Variants in FHDC1 observed in about 807,000 individuals in gnomAD.
FHDC1 encodes FH2 domain-containing protein 1.
A neutral mutation model predicts 52.6 loss-of-function variants in FHDC1; 25 were observed. The observed-to-expected ratio is 0.48, with a 90% confidence interval of 0.35 to 0.66. The LOEUF is 0.66. FHDC1 is among the 30% of genes least tolerant of loss of function. The pLI is 0.01. For synonymous variants in FHDC1, 616 were observed against 581.5 expected, an observed-to-expected ratio of 1.06 and a Z score of -0.85; for missense variants, 1,459 against 1,452.8, an observed-to-expected ratio of 1.00 and a Z score of -0.07.
At position 152,974,916 on chromosome 4, in the gene FHDC1, C is replaced by G; in HGVS notation, c.1625C>G (p.Ser542Cys). Residue 542 changes from serine (S) to cysteine (C), a missense_variant, in exon 12 of 12, where the codon TCC becomes TGC. Around this residue, in one of 3 missense-constraint regions of FHDC1, gnomAD observed 939 missense variants for 854.5 expected, o/e 1.10. Coordinates refer to ENST00000511601, the MANE Select transcript of FHDC1 (RefSeq NM_001371116.1). The stretch of plus-strand genomic sequence containing the variant: ...CCGAACACCCGCCGCTCCCGCCTCT[C>G]CCTGGGTCCCTCTGCTGACCGGGAG... ...RPPNTRRSRLSLGPSADRELL... is the reference protein window; with the variant it reads ...RPPNTRRSRLCLGPSADRELL... 6.2e-7 allele frequency: 1 copy of G among 1,612,064 alleles called. No homozygotes were observed. The highest frequency in any genetic ancestry group is 2.2e-5 in the East Asian group (1 of 44,866).
chr4:152,949,749 C>G (rs1355353625), intron 2 of FHDC1, among the ~76,000 whole-genome samples: 1 of 152,218 alleles, frequency 6.6e-6, no homozygotes, highest in Non-Finnish European at 1.5e-5. Context: ...CCCTGGCCCC[C>G]TGGCAGTTGC....
chr4:152,962,353 T>G (rs1422314619), intron 6 of FHDC1, among the ~76,000 whole-genome samples: 1 of 152,208 alleles, frequency 6.6e-6, no homozygotes. Context: ...ATTTTTTATC[T>G]CTTCATAACT....
At chr4:152,933,123 AGT>A (rs1402864944), upstream of FHDC1, among the ~76,000 whole-genome samples, 1 of 152,174 alleles carries the variant, frequency 6.6e-6, no homozygotes, top group Non-Finnish European at 1.5e-5. Flanking sequence ...TGGTTGGAAA[AGT>A]GAGAGCTGGT....
intron 4 of FHDC1, 145 bp from the exon 5 acceptor site, chr4:152,960,420 A>G (rs1252010026): frequency 1.3e-5 from 10 of 762,704 alleles, no homozygotes; most frequent in Non-Finnish European, 2.1e-5. Context: ...AGATGGGAGG[A>G]TTTCCTTTTT....
intron 4 of FHDC1, 119 bp downstream of exon 4, chr4:152,954,438 G>C: frequency 1.4e-6 from 1 of 713,150 alleles, no homozygotes; most frequent in Non-Finnish European, 2.3e-6. Context: ...TGTAATCCCA[G>C]CACTTTGGGA....
At chr4:152,942,801 G>A (rs1008878579) in intron 1 of FHDC1, 127 bp from the exon 2 acceptor site, 4 of 421,398 alleles carry the variant, frequency 9.5e-6, no homozygotes, top group Non-Finnish European at 1.7e-5. Context: ...TGCAACTTGG[G>A]ATGTGTTGCC....
chr4:152,914,217 G>A, the FHDC1 span, among the ~76,000 whole-genome samples: 7 of 152,084 alleles, frequency 4.6e-5, no homozygotes, highest in Non-Finnish European at 1.0e-4. Flanking sequence ...TTTTTTTGAG[G>A]ACTTTCATTA....
Position 152,943,344 on chromosome 4 carries a change from G to A in FHDC1, c.287G>A (p.Arg96Gln), listed in dbSNP as rs554342106. 41 of 1,607,224 alleles carry A rather than the reference G, an allele frequency of 2.6e-5. 1 individual carries two copies. The highest frequency in any genetic ancestry group is 1.3e-4 in the South Asian group (12 of 90,812). Reference sequence around the variant, plus strand: ...TACAGCCACCTTGGTAAGAAAAAGCGGATGAGAAGCTTTTTTTGGAAAACT... The same window carrying A: ...TACAGCCACCTTGGTAAGAAAAAGCAGATGAGAAGCTTTTTTTGGAAAACT... ...NGYSHLGKKKRMRSFFWKTIP... is the reference protein window; with the variant it reads ...NGYSHLGKKKQMRSFFWKTIP... Residue 96 changes from arginine to glutamine, a missense_variant, in exon 2 of 12, where the codon CGG (arginine) becomes CAG (glutamine). Physicochemically the swap from Arg to Gln is conservative, Grantham distance 43 (BLOSUM62 1). Around this residue, in one of 3 missense-constraint regions of FHDC1, gnomAD observed 513 missense variants for 581.5 expected, o/e 0.88. Transcript: ENST00000511601.
At chr4:152,912,762 GA>G in the FHDC1 span, among the ~76,000 whole-genome samples, 1 of 152,170 alleles carries the variant, frequency 6.6e-6, no homozygotes, top group African/African-American at 2.4e-5. Flanking sequence ...CATTAAAATA[GA>G]AGTTGTTATT....
chr4:152,935,741 T>A (rs4696365), upstream of FHDC1, among the ~76,000 whole-genome samples: 103,627 of 152,016 alleles, frequency 0.68, 35,727 homozygotes, highest in African/African-American at 0.77. Context: ...TTGGGACAGG[T>A]CAGTTCGCCC....
At chr4:152,964,371 C>G (rs1740396809) in intron 8 of FHDC1, among the ~76,000 whole-genome samples, 1 of 152,242 alleles carries the variant, frequency 6.6e-6, no homozygotes, top group Non-Finnish European at 1.5e-5. Flanking sequence ...GCAAAGCTCT[C>G]CTGAATCCAA....
intron 2 of FHDC1, among the ~76,000 whole-genome samples, chr4:152,945,920 C>T (rs1267004648): frequency 6.6e-6 from 1 of 152,182 alleles, no homozygotes; most frequent in African/African-American, 2.4e-5. Context: ...TGGCAGGCAC[C>T]ATTCTACTTT....
In FHDC1 at chr4:152,949,204, G is replaced by A. The variant is rs185176592; in HGVS notation, c.499-4295G>A. On this transcript the variant is annotated intron_variant, in intron 2 of 11. Coordinates refer to ENST00000511601, the MANE Select transcript of FHDC1 (RefSeq NM_001371116.1). ...AAGAAAATGGTTATGGACCAGGCAT[G>A]GTGGCTGAAACCTGTAATCTCAGCA... Among the ~76,000 whole-genome samples, 172 of 151,394 alleles carry A rather than the reference G, an allele frequency of 1.1e-3. 1 individual carries two copies. The highest frequency in any genetic ancestry group is 3.8e-3 in the African/African-American group (155 of 41,290).
intron 11 of FHDC1, among the ~76,000 whole-genome samples, chr4:152,974,061 C>G (rs1235000011): frequency 6.6e-6 from 1 of 152,210 alleles, no homozygotes; most frequent in Non-Finnish European, 1.5e-5. Context: ...AAGGAGCAGT[C>G]AGGGAACAGA....
At chr4:152,928,051 C>T in the FHDC1 span, 12 of 1,425,626 alleles carry the variant, frequency 8.4e-6, no homozygotes, top group Middle Eastern at 3.5e-4. Flanking sequence ...CCATCCACTG[C>T]CCCTCTGCTG....
chr4:152,964,377 T>C (rs1415696894), intron 8 of FHDC1, among the ~76,000 whole-genome samples: 23 of 152,244 alleles, frequency 1.5e-4, no homozygotes, highest in Admixed American at 1.5e-3. Flanking sequence ...CTCTCCTGAA[T>C]CCAAGTGTCC....
chr4:152,968,147 C>G (rs765452068), intron 10 of FHDC1, 50 bp downstream of exon 10: 2 of 1,354,876 alleles, frequency 1.5e-6, no homozygotes, highest in Non-Finnish European at 2.1e-6. Context: ...CCCAGCAGCA[C>G]CCCGGGGCTG....
rs1740884070 is a variant in FHDC1, at chr4:152,976,371, A to G, written c.3080A>G (p.His1027Arg). Residue 1027 changes from histidine to arginine, a missense_variant, in exon 12 of 12, where the codon CAC becomes CGC. Transcript: ENST00000511601. Reference sequence around the variant, plus strand: ...ACCCCGTCAGTGCCCAGCGTCCCCCACGAACTACCCCGTGTCCCGAGCTTT... The same window carrying G: ...ACCCCGTCAGTGCCCAGCGTCCCCCGCGAACTACCCCGTGTCCCGAGCTTT... The part of the protein sequence containing the change: ...PKTPSVPSVP[H>R]ELPRVPSFAR... 1 of 1,613,532 alleles carries G rather than the reference A, an allele frequency of 6.2e-7. No homozygotes were observed. Among genetic ancestry groups the G allele is most frequent in the African/African-American group, 1.3e-5 (1 of 74,876 alleles).
chr4:152,942,019 A>C (rs1274097821), intron 1 of FHDC1, among the ~76,000 whole-genome samples: 2 of 152,162 alleles, frequency 1.3e-5, no homozygotes, highest in African/African-American at 4.8e-5. Flanking sequence ...CAGCATGAAA[A>C]ACAAACGTGA....
Sources: allele counts gnomAD v4.1 joint callset (sites outside exome capture counted in the v4.1 genomes callset), GRCh38; gene constraint gnomAD v4.1.1; regional missense constraint gnomAD v4.1.1; transcripts MANE v1.5; gene names NCBI Gene and HGNC (gene_info 2026-07-23, HGNC 2026-07-21).